Variants in PTGER4 observed in about 807,000 individuals in gnomAD.
PTGER4 encodes the protein prostaglandin E2 receptor EP4 subtype.
In PTGER4, 11 loss-of-function variants were observed where a neutral mutation model predicts 33.2. The observed-to-expected ratio is 0.33, with a 90% CI of 0.21 to 0.55. The LOEUF is 0.55. PTGER4 is among the 20% of genes least tolerant of loss of function. PTGER4 has a pLI of 0.92. For synonymous variants in PTGER4, 275 were observed against 281.5 expected (o/e 0.98, Z 0.23); for missense variants, 481 against 650.2 (o/e 0.74, Z 2.83).
At chr5:40,716,392 G>A in the PTGER4 span, 4 of 1,613,830 alleles carry the variant, frequency 2.5e-6, no homozygotes, top group Admixed American at 6.7e-5. Context: ...AATCCTCTGT[G>A]CTACCTTCTG....
chr5:40,680,566 C>CTCG lies in PTGER4; in HGVS notation c.-44+88_-44+89insTCG. On this transcript the variant is annotated intron_variant, in intron 1 of 2. Transcript: ENST00000302472. This position sits in a 1 kb window ranked among gnomAD's most constrained non-coding sequence, Gnocchi z 5.5. ...CCGAAGAGAGCCAAGAAGGGAAGAG[C>CTCG]GCGCTCTCCAAATTGCTTTTGTAAC... is the stretch of plus-strand genomic sequence containing the variant. The CTCG allele has an allele frequency of 1.3e-5, 2 of 158,696 alleles. No homozygotes were observed. Among genetic ancestry groups the CTCG allele is most frequent in the South Asian group, 1.8e-4 (1 of 5,652 alleles). The allele number at this position is 158,696 out of a possible 1,614,324, so 9.8% of individuals were successfully genotyped here.
intron 2 of PTGER4, among the ~76,000 whole-genome samples, chr5:40,686,496 C>T (rs960191431): frequency 9.8e-5 from 15 of 152,316 alleles, no homozygotes; most frequent in Admixed American, 3.3e-4. Flanking sequence ...ATCTGTTATA[C>T]GATAGGCACT....
the PTGER4 span, chr5:40,716,349 G>C: frequency 1.9e-6 from 3 of 1,614,182 alleles, no homozygotes; most frequent in Non-Finnish European, 2.5e-6. Flanking sequence ...TTGGTGAAAA[G>C]TGTGTTACTT....
chr5:40,700,518 T>G, the PTGER4 span, among the ~76,000 whole-genome samples: 1 of 152,090 alleles, frequency 6.6e-6, no homozygotes, highest in Non-Finnish European at 1.5e-5. Flanking sequence ...TTGCACACAC[T>G]CCCCATGGCT....
Position 40,693,577 on chromosome 5 carries a change from G to A in PTGER4, c.*1199G>A, listed in dbSNP as rs1388878920. ...CAGTGATGCTGTACACATATTTGAA[G>A]GGTCTTTCTCAAAGAAATATTAAGC... On this transcript the variant is annotated 3_prime_UTR_variant, in exon 3 of 3. Coordinates refer to ENST00000302472, the MANE Select transcript of PTGER4 (RefSeq NM_000958.3). The A allele has an allele frequency of 6.3e-5, 62 of 985,784 alleles. No individual in the cohort carries two copies. The highest frequency in any genetic ancestry group is 7.4e-5 in the Non-Finnish European group (61 of 829,900). 61.1% of individuals were successfully genotyped at this position (985,784 alleles called of 1,614,324 possible). A position where few individuals can be genotyped will look rare whatever the true frequency, so the allele number is the denominator to read the frequency against.
the PTGER4 span, among the ~76,000 whole-genome samples, chr5:40,706,386 A>C: frequency 2.0e-5 from 3 of 152,142 alleles, no homozygotes; most frequent in Non-Finnish European, 4.4e-5. Context: ...TACCAAGCTT[A>C]ATACCTGAAT....
the PTGER4 span, among the ~76,000 whole-genome samples, chr5:40,733,960 G>T: frequency 2.0e-5 from 3 of 152,134 alleles, no homozygotes; most frequent in Non-Finnish European, 2.9e-5. Flanking sequence ...AAAGAAAAAT[G>T]TCCTCTCTTC....
chr5:40,709,051 C>G, the PTGER4 span, among the ~76,000 whole-genome samples: 1 of 152,070 alleles, frequency 6.6e-6, no homozygotes, highest in Non-Finnish European at 1.5e-5. Flanking sequence ...TAAGAGCTAT[C>G]TATGACAAAC....
chr5:40,706,107 A>G, the PTGER4 span, among the ~76,000 whole-genome samples: 75 of 152,352 alleles, frequency 4.9e-4, no homozygotes, highest in Middle Eastern at 3.4e-3. Context: ...CTGGCTAAAG[A>G]AAATATGGTA....
the PTGER4 span, among the ~76,000 whole-genome samples, chr5:40,712,844 A>C: frequency 2.0e-5 from 3 of 152,146 alleles, no homozygotes; most frequent in Non-Finnish European, 1.5e-5. Context: ...TGACCAAAGT[A>C]GTTCATATAT....
chr5:40,721,778 C>T, the PTGER4 span, among the ~76,000 whole-genome samples: 3 of 151,964 alleles, frequency 2.0e-5, no homozygotes, highest in East Asian at 3.9e-4. Context: ...ACATAGGCAA[C>T]AAAATCAAAA....
the PTGER4 span, among the ~76,000 whole-genome samples, chr5:40,703,978 T>G: frequency 1.4e-5 from 2 of 142,012 alleles, no homozygotes; most frequent in Non-Finnish European, 3.0e-5. Flanking sequence ...CCCCAACTCA[T>G]TCTATGAGGC....
chr5:40,718,729 T>A, the PTGER4 span, among the ~76,000 whole-genome samples: 1 of 150,974 alleles, frequency 6.6e-6, no homozygotes, highest in Non-Finnish European at 1.5e-5. Context: ...CAGAGCAAGA[T>A]TCCGTCTCGA....
the PTGER4 span, among the ~76,000 whole-genome samples, chr5:40,713,871 A>C: frequency 6.6e-6 from 1 of 152,214 alleles, no homozygotes; most frequent in East Asian, 1.9e-4. Flanking sequence ...CAGTATTCAC[A>C]TCCTTGTAAA....
chr5:40,725,832 C>T, the PTGER4 span, among the ~76,000 whole-genome samples: 1 of 146,184 alleles, frequency 6.8e-6, no homozygotes, highest in Non-Finnish European at 1.5e-5. Context: ...GTCACCCAGG[C>T]TGGAGTGCAG....
In PTGER4 at chr5:40,684,130, C is replaced by A. The variant is rs1332207378; in HGVS notation, c.867+2270C>A. On this transcript the variant is annotated intron_variant, in intron 2 of 2. Coordinates refer to ENST00000302472, the MANE Select transcript of PTGER4 (RefSeq NM_000958.3). ...TTCATTATGCCACCCACCCACCCCCCCCCCCACAATTCAGCAATTACTGAA... is the reference window on the plus strand; with the variant it reads ...TTCATTATGCCACCCACCCACCCCCACCCCCACAATTCAGCAATTACTGAA... 2.6e-5 allele frequency among the ~76,000 whole-genome samples: 3 copies of A among 115,786 alleles called. 1 individual carries two copies. Among genetic ancestry groups the A allele is most frequent in the Admixed American group, 9.5e-5 (1 of 10,544 alleles). The allele number at this position is 115,786 out of a possible 152,430, so 76.0% of individuals were successfully genotyped here.
chr5:40,744,648 T>C, the PTGER4 span, among the ~76,000 whole-genome samples: 3 of 152,220 alleles, frequency 2.0e-5, no homozygotes, highest in Non-Finnish European at 4.4e-5. Context: ...AAGTGTATTC[T>C]GTCCCAAACA....
chr5:40,681,402 G>A lies in PTGER4; in HGVS notation c.409G>A (p.Gly137Ser). Residue 137 changes from glycine to serine, a missense_variant, in exon 2 of 3, where the codon GGC (glycine) becomes AGC (serine). Transcript: ENST00000302472. The surrounding 1 kb of genome is among the most constrained non-coding windows in gnomAD (Gnocchi z 9.8). ...CCACTACGTGGACAAGCGATTGGCG[G>A]GCCTCACGCTCTTTGCAGTCTATGC... ...YSHYVDKRLA[G>S]LTLFAVYASN... is the part of the protein sequence containing the mutation. The A allele has an allele frequency of 6.2e-7, 1 of 1,614,056 alleles. No homozygotes were observed. Among genetic ancestry groups the A allele is most frequent in the Non-Finnish European group, 8.5e-7 (1 of 1,180,030 alleles).
chr5:40,722,702 C>A, the PTGER4 span, among the ~76,000 whole-genome samples: 3 of 151,914 alleles, frequency 2.0e-5, no homozygotes, highest in African/African-American at 7.2e-5. Flanking sequence ...AGGAGCGTCT[C>A]CGCCCGGCCA....
Sources: allele counts gnomAD v4.1 joint callset (sites outside exome capture counted in the v4.1 genomes callset), GRCh38; gene constraint gnomAD v4.1.1; non-coding constraint Gnocchi (gnomAD v3.1); transcripts MANE v1.5; gene names NCBI Gene and HGNC (gene_info 2026-07-23, HGNC 2026-07-21).